The following ARID2 variants were observed in gnomAD, a reference collection of about 807,000 sequenced individuals.
ARID2 encodes AT-rich interactive domain-containing protein 2.
ARID2 carries 32 observed loss-of-function variants against 184.6 expected under a neutral mutation model. The ratio of observed to expected loss-of-function variants is 0.17; its 90% CI spans 0.13 to 0.23. The LOEUF is 0.23. Ranked by LOEUF, ARID2 falls within the 10% of genes least tolerant of loss-of-function variation. ARID2 has a pLI of 1.00. For synonymous variants in ARID2, 836 were observed against 772.6 expected (o/e 1.08, Z -1.36); for missense variants, 1,696 against 2,197.6 (o/e 0.77, Z 4.56).
intron 3 of ARID2, among the ~76,000 whole-genome samples, chr12:45,744,403 G>T (rs1328454305): frequency 1.3e-5 from 2 of 151,418 alleles, no homozygotes; most frequent in African/African-American, 2.4e-5. Flanking sequence ...TAATCCATAG[G>T]TATTATCTAT....
chr12:45,765,641 G>T (rs1168346045), intron 3 of ARID2, among the ~76,000 whole-genome samples: 1 of 151,720 alleles, frequency 6.6e-6, no homozygotes, highest in Non-Finnish European at 1.5e-5. Context: ...TCTCTCTTCA[G>T]TAAGCATTAT....
At chr12:45,798,428 C>G (rs1198945920) in intron 3 of ARID2, among the ~76,000 whole-genome samples, 2 of 152,218 alleles carry the variant, frequency 1.3e-5, no homozygotes, top group African/African-American at 2.4e-5. Context: ...TCACCTCCTA[C>G]TGCCACTGCT....
chr12:45,836,439 C>A, intron 6 of ARID2, 150 bp from the exon 7 acceptor site: 1 of 680,340 alleles, frequency 1.5e-6, no homozygotes. Flanking sequence ...AGGTCTCAAA[C>A]TCCCAGCTGC....
Position 45,836,669 on chromosome 12 carries a change from AG to A in ARID2, c.772+15del, listed in dbSNP as rs1943225979. On this transcript the variant is annotated intron_variant, in intron 7 of 20. Transcript: ENST00000334344. Reference sequence around the variant, plus strand: ...ACAAGTCTCATGGTAAGTTAGTGAAAGCAAAATTTTTCAAAACCTTTGAAGT... The same window carrying A: ...ACAAGTCTCATGGTAAGTTAGTGAAACAAAATTTTTCAAAACCTTTGAAGT... 9 of 1,603,600 alleles carry A rather than the reference AG, an allele frequency of 5.6e-6. No homozygotes were observed. The highest frequency in any genetic ancestry group is 7.6e-6 in the Non-Finnish European group (9 of 1,176,600).
chr12:45,810,263 A>G (rs1448575574), intron 3 of ARID2, among the ~76,000 whole-genome samples: 1 of 152,202 alleles, frequency 6.6e-6, no homozygotes, highest in African/African-American at 2.4e-5. Flanking sequence ...AAATCTTACT[A>G]TAAACTGGTA....
At chr12:45,797,444 G>A (rs1258328439) in intron 3 of ARID2, among the ~76,000 whole-genome samples, 2 of 152,080 alleles carry the variant, frequency 1.3e-5, no homozygotes, top group Admixed American at 6.5e-5. Flanking sequence ...ATGTTGGCTA[G>A]GCTGGTCTTG....
intron 3 of ARID2, among the ~76,000 whole-genome samples, chr12:45,777,592 T>C (rs1432688108): frequency 6.6e-6 from 1 of 151,952 alleles, no homozygotes; most frequent in Non-Finnish European, 1.5e-5. Flanking sequence ...ATTTTTTATA[T>C]GCAGGTTATA....
chr12:45,792,670 T>C (rs985135420), intron 3 of ARID2, among the ~76,000 whole-genome samples: 3 of 152,160 alleles, frequency 2.0e-5, no homozygotes, highest in Admixed American at 2.0e-4. Context: ...CATTTTTTTT[T>C]AGTTGTGTCA....
intron 3 of ARID2, among the ~76,000 whole-genome samples, chr12:45,806,605 A>G (rs1212652250): frequency 6.6e-6 from 1 of 152,076 alleles, no homozygotes; most frequent in African/African-American, 2.4e-5. Context: ...TTTGTACATT[A>G]CCGATGTGAT....
At chr12:45,825,944 T>A (rs1231076879) in intron 6 of ARID2, among the ~76,000 whole-genome samples, 5 of 152,136 alleles carry the variant, frequency 3.3e-5, no homozygotes, top group Non-Finnish European at 7.4e-5. Context: ...ATTTTAGATG[T>A]TTAAATAGTT....
At chr12:45,896,323 G>A (rs1449614758) in intron 20 of ARID2, among the ~76,000 whole-genome samples, 1 of 152,162 alleles carries the variant, frequency 6.6e-6, no homozygotes, top group Non-Finnish European at 1.5e-5. Flanking sequence ...GGCTGTGGTG[G>A]GCAGACAAAG....
intron 3 of ARID2, chr12:45,755,936 C>A: frequency 6.1e-6 from 1 of 165,152 alleles, no homozygotes. Flanking sequence ...TACAGAGTCT[C>A]ACTCTGTCAC....
chr12:45,850,175 T>A lies in ARID2; in HGVS notation c.2052T>A (p.Ile684=), dbSNP rs964290602. The A allele has an allele frequency of 3.7e-6, 6 of 1,614,142 alleles. No individual in the cohort carries two copies. Among genetic ancestry groups the A allele is most frequent in the Non-Finnish European group, 5.1e-6 (6 of 1,179,988 alleles). ...CTGTGGCACAAACTGTTTCAAGAAT[T>A]CCACAAAATCCTTCACCTCATACCC... is the stretch of plus-strand genomic sequence containing the variant. ...VHTVAQTVSR[I]PQNPSPHTHQ... The change falls in exon 15 of 21, where the codon ATT becomes ATA. Residue 684 remains isoleucine (I), a synonymous_variant. Coordinates refer to ENST00000334344, the MANE Select transcript of ARID2 (RefSeq NM_152641.4).
intron 3 of ARID2, among the ~76,000 whole-genome samples, chr12:45,756,534 A>T (rs1450115516): frequency 6.6e-6 from 1 of 152,254 alleles, no homozygotes; most frequent in Non-Finnish European, 1.5e-5. Context: ...TATGCAAAGA[A>T]TATGTAACTG....
chr12:45,832,800 T>C (rs1024383537), intron 6 of ARID2, among the ~76,000 whole-genome samples: 2 of 152,176 alleles, frequency 1.3e-5, no homozygotes, highest in Non-Finnish European at 2.9e-5. Flanking sequence ...AAGAAGACAG[T>C]GCAACAACTA....
At chr12:45,758,391 C>T (rs539111633) in intron 3 of ARID2, among the ~76,000 whole-genome samples, 1 of 150,438 alleles carries the variant, frequency 6.6e-6, no homozygotes, top group Admixed American at 6.6e-5. Context: ...TTTTTTTGTG[C>T]GACTTTTTTT....
intron 3 of ARID2, among the ~76,000 whole-genome samples, chr12:45,735,887 C>T (rs1439649269): frequency 1.3e-5 from 2 of 152,110 alleles, no homozygotes; most frequent in Admixed American, 6.5e-5. Context: ...AAAATGAGAA[C>T]ATTATAATTC....
intron 16 of ARID2, among the ~76,000 whole-genome samples, chr12:45,890,355 T>C (rs1002058836): frequency 8.5e-5 from 13 of 152,248 alleles, no homozygotes; most frequent in Non-Finnish European, 8.8e-5. Flanking sequence ...GAAATAGACA[T>C]TGTGAATAGT....
rs759477468 is a variant in ARID2, at chr12:45,860,976, A to G, written c.4922+27A>G. The G allele has an allele frequency of 4.1e-6, 6 of 1,481,052 alleles. No homozygotes were observed. In the South Asian group the frequency reaches 7.4e-5, roughly 18 times the overall value. The allele number at this position is 1,481,052 out of a possible 1,614,324, so 91.7% of individuals were successfully genotyped here. ...TAAATGGCAATTTTATTTGATATAT[A>G]AAAGTATTCTTTGTTTTGGAATGCT... is the stretch of plus-strand genomic sequence containing the variant. On this transcript the variant is annotated intron_variant, in intron 16 of 20. Coordinates refer to ENST00000334344, the MANE Select transcript of ARID2 (RefSeq NM_152641.4).
Sources: gnomAD v4.1 joint callset for allele counts (sites outside exome capture counted in the v4.1 genomes callset) on GRCh38, gnomAD v4.1.1 for gene constraint, MANE v1.5 for transcripts, NCBI Gene and HGNC (gene_info 2026-07-23, HGNC 2026-07-21) for gene names.